COL6A5: variants seen among roughly 807,000 people sequenced by gnomAD.
COL6A5 encodes the protein collagen alpha-5(VI) chain.
A neutral mutation model predicts 65.6 loss-of-function variants in COL6A5; 48 were observed. The observed-to-expected ratio is 0.73, with a 90% CI of 0.58 to 0.93. The LOEUF is 0.93. Among genes scored for constraint, COL6A5 ranks in the 40% least tolerant of loss-of-function variants. The pLI is 0.00. For synonymous variants in COL6A5, 291 were observed against 322.8 expected (o/e 0.90, Z 1.05); for missense variants, 914 against 928.3 (o/e 0.98, Z 0.20).
intron 1 of COL6A5, among the ~76,000 whole-genome samples, chr3:130,355,059 T>C (rs892741520): frequency 1.3e-5 from 2 of 152,208 alleles, no homozygotes; most frequent in African/African-American, 2.4e-5. Context: ...ACCTTTTTTT[T>C]ACTTTTGTTA....
chr3:130,432,422 G>A lies in COL6A5; in HGVS notation c.487+473G>A, dbSNP rs542941709. 1.1e-4 allele frequency among the ~76,000 whole-genome samples: 17 copies of A among 151,936 alleles called. No homozygotes were observed. In the South Asian group the frequency reaches 1.3e-3, roughly 11 times the overall value. ...ACAAAAATTAGCTGCATGGTGGCGC[G>A]TGCCTGTAATCCCAGCTACTCAGGA... On this transcript the variant is annotated intron_variant, in intron 1 of 7. Transcript: ENST00000512836.
intron 4 of COL6A5, among the ~76,000 whole-genome samples, chr3:130,449,833 T>C (rs1709392419): frequency 6.6e-6 from 1 of 152,138 alleles, no homozygotes; most frequent in South Asian, 2.1e-4. Flanking sequence ...CAGACACGAT[T>C]AATTTAATCT....
intron 4 of COL6A5, among the ~76,000 whole-genome samples, chr3:130,381,133 A>G (rs1174598881): frequency 6.6e-6 from 1 of 152,116 alleles, no homozygotes; most frequent in Non-Finnish European, 1.5e-5. Context: ...GTCACATGCC[A>G]CACCTAAGTT....
At chr3:130,480,337 TA>T (rs1440826890) in intron 7 of COL6A5, among the ~76,000 whole-genome samples, 1 of 152,058 alleles carries the variant, frequency 6.6e-6, no homozygotes, top group Non-Finnish European at 1.5e-5. Flanking sequence ...TATAGAAGCT[TA>T]TCGTCATAGA....
Position 130,376,505 on chromosome 3 carries a change from G to A in COL6A5, c.336G>A (p.Lys112=), listed in dbSNP as rs753297296. The A allele has an allele frequency of 3.7e-6, 6 of 1,604,310 alleles. No homozygotes were observed. The African/African-American group carries it at 5.4e-5, about 14-fold the overall frequency. ...TTGGCGGGTCCCTGCAGATAGGAAA[G>A]GCTCTTCAGGAGGCTCATAGGACCT... Residue 112 remains lysine, a synonymous_variant and NMD_transcript_variant, in exon 3 of 42, where the codon AAG becomes AAA. Transcript: ENST00000312481.
exon 6 of COL6A5, chr3:130,388,938 G>T (rs990271650): frequency 6.5e-7 from 1 of 1,547,756 alleles, no homozygotes; most frequent in South Asian, 1.2e-5. Flanking sequence ...ATGGAGTAGC[G>T]CAGGATGATG....
intron 29 of COL6A5, 88 bp from the exon 30 acceptor site, chr3:130,426,126 A>C (rs1002250429): frequency 2.0e-5 from 25 of 1,279,082 alleles, no homozygotes; most frequent in South Asian, 2.7e-5. Flanking sequence ...TTAAGAAAGA[A>C]AGTTTTTTGT....
At position 130,406,266 on chromosome 3, in the gene COL6A5, A is replaced by G. The variant is rs1199833708; in HGVS notation, c.4426-2A>G. On this transcript the variant is annotated splice_acceptor_variant and NMD_transcript_variant, in intron 16 of 41. Transcript: ENST00000312481. ...AATTTTGTTTTTCTTGTCTTCTTTT[A>G]GGGCTGTCATGGATTTCCTGGAATA... 3 of 1,550,522 alleles carry G rather than the reference A, an allele frequency of 1.9e-6. No individual in the cohort carries two copies. The highest frequency in any genetic ancestry group is 2.0e-5 in the Admixed American group (1 of 50,952).
intron 17 of COL6A5, among the ~76,000 whole-genome samples, chr3:130,408,546 T>C (rs116656604): frequency 0.013 from 1,996 of 152,300 alleles, 53 homozygotes; most frequent in African/African-American, 0.045. Context: ...CCTTGTGATC[T>C]CACTCTGTCT....
chr3:130,374,629 T>C (rs1293877483), intron 2 of COL6A5, among the ~76,000 whole-genome samples: 1 of 152,076 alleles, frequency 6.6e-6, no homozygotes, highest in African/African-American at 2.4e-5. Context: ...AATTTTTATA[T>C]TTTTTGTAGA....
intron 1 of COL6A5, among the ~76,000 whole-genome samples, chr3:130,371,141 G>A (rs1276549657): frequency 6.6e-6 from 1 of 152,120 alleles, no homozygotes; most frequent in Non-Finnish European, 1.5e-5. Flanking sequence ...TATATTTAAA[G>A]AGCATCAGTG....
chr3:130,473,435 C>CT (rs1469875142), intron 7 of COL6A5, among the ~76,000 whole-genome samples: 1 of 152,024 alleles, frequency 6.6e-6, no homozygotes, highest in Non-Finnish European at 1.5e-5. Context: ...AGAAATCCTG[C>CT]TTTTTTCCCC....
chr3:130,356,771 G>A (rs1343789046), intron 1 of COL6A5, among the ~76,000 whole-genome samples: 2 of 152,134 alleles, frequency 1.3e-5, no homozygotes, highest in East Asian at 3.8e-4. Context: ...GCAGTCACTT[G>A]AAAAATTTCA....
At chr3:130,401,044 G>A in exon 11 of COL6A5, 2 of 1,547,110 alleles carry the variant, frequency 1.3e-6, no homozygotes, top group South Asian at 2.4e-5. Flanking sequence ...TTGATGCTCT[G>A]CTGGTAGTGT....
At chr3:130,359,928 C>T (rs1489458717) in intron 1 of COL6A5, among the ~76,000 whole-genome samples, 1 of 151,858 alleles carries the variant, frequency 6.6e-6, no homozygotes, top group Non-Finnish European at 1.5e-5. Context: ...TTACTTCCAC[C>T]TAGACCATTA....
At chr3:130,424,568 G>C (rs1462461725) in intron 29 of COL6A5, among the ~76,000 whole-genome samples, 1 of 152,098 alleles carries the variant, frequency 6.6e-6, no homozygotes, top group Non-Finnish European at 1.5e-5. Flanking sequence ...CATTGTGTAA[G>C]GAGTGGATAA....
At chr3:130,442,025 G>A (rs9840472) in intron 3 of COL6A5, among the ~76,000 whole-genome samples, 18,536 of 152,032 alleles carry the variant, frequency 0.12, 1,656 homozygotes, top group East Asian at 0.33. Flanking sequence ...ACTCTTCATT[G>A]CAAGGAGAGC....
At chr3:130,424,530 C>G (rs1322926443) in intron 29 of COL6A5, among the ~76,000 whole-genome samples, 1 of 152,046 alleles carries the variant, frequency 6.6e-6, no homozygotes, top group Admixed American at 6.6e-5. Context: ...TTGCGAGCAC[C>G]TGTGTTTTGT....
rs143001290 is a variant in COL6A5 at position 130,370,075 on chromosome 3, A to G, written c.-28-3536A>G. Among the ~76,000 whole-genome samples, 8 of 152,292 alleles carry G rather than the reference A, an allele frequency of 5.3e-5. No individual in the cohort carries two copies. The East Asian group carries it at 1.5e-3, about 29-fold the overall frequency. On this transcript the variant is annotated intron_variant and NMD_transcript_variant, in intron 1 of 41. Coordinates refer to the COL6A5 transcript ENST00000312481. Reference sequence around the variant, plus strand: ...CTCCAAAATGGCCAATTAATTCCTTAAAGTATCACTCATTCATGCTACTCT... The same window carrying G: ...CTCCAAAATGGCCAATTAATTCCTTGAAGTATCACTCATTCATGCTACTCT...
Sources: gnomAD v4.1 joint callset for allele counts (sites outside exome capture counted in the v4.1 genomes callset) on GRCh38, gnomAD v4.1.1 for gene constraint, MANE v1.5 for transcripts, NCBI Gene and HGNC (gene_info 2026-07-23, HGNC 2026-07-21) for gene names.